The following CPEB3 variants were observed in gnomAD, a reference collection of about 807,000 sequenced individuals.
CPEB3 encodes the protein cytoplasmic polyadenylation element binding protein 3.
Under a neutral mutation model 67.2 loss-of-function variants are expected in CPEB3, and 20 were observed. That is an observed-to-expected ratio of 0.30 (90% CI 0.21 to 0.43). CPEB3 has a LOEUF of 0.43. Among genes scored for constraint, CPEB3 ranks in the 20% least tolerant of loss-of-function variants. CPEB3 has a pLI of 1.00. For synonymous variants in CPEB3, 376 were observed against 393.1 expected, an observed-to-expected ratio of 0.96 and a Z score of 0.51; for missense variants, 746 against 968.6, an observed-to-expected ratio of 0.77 and a Z score of 3.05.
intron 7 of CPEB3, among the ~76,000 whole-genome samples, chr10:92,100,684 C>T (rs950787120): frequency 2.0e-5 from 3 of 152,088 alleles, no homozygotes; most frequent in East Asian, 3.9e-4. Flanking sequence ...CTTCGCCTCC[C>T]GGGTTCACAC....
intron 7 of CPEB3, among the ~76,000 whole-genome samples, chr10:92,097,529 T>C (rs1419007926): frequency 1.3e-5 from 2 of 152,226 alleles, no homozygotes; most frequent in East Asian, 3.8e-4. Context: ...CTGTTTCATA[T>C]AACTGCTTAT....
At chr10:92,203,460 ATGTATATGTGTATATATATGTG>A (rs1344839498) in intron 2 of CPEB3, among the ~76,000 whole-genome samples, 4 of 147,014 alleles carry the variant, frequency 2.7e-5, no homozygotes, top group South Asian at 2.1e-4. Context: ...ATACGTATAT[ATGTATATGTGTATATATATGTG>A]TGTATATGTG....
At chr10:92,287,088 T>C (rs183551319) in intron 1 of CPEB3, among the ~76,000 whole-genome samples, 75 of 152,294 alleles carry the variant, frequency 4.9e-4, no homozygotes, top group Middle Eastern at 3.4e-3. Flanking sequence ...TTTTTGTCTA[T>C]AGTCATGCTG....
chr10:92,059,052 C>T (rs1842228853), intron 9 of CPEB3, among the ~76,000 whole-genome samples: 2 of 152,080 alleles, frequency 1.3e-5, no homozygotes, highest in South Asian at 4.1e-4. Flanking sequence ...ATGAGTGGGG[C>T]ACAGTGGCTC....
At chr10:92,083,743 T>C (rs1356623693) in intron 8 of CPEB3, among the ~76,000 whole-genome samples, 1 of 152,124 alleles carries the variant, frequency 6.6e-6, no homozygotes, top group Non-Finnish European at 1.5e-5. Flanking sequence ...GGCAAGGAAT[T>C]GAATGGCACT....
At chr10:92,125,166 C>A (rs1267340074) in intron 6 of CPEB3, among the ~76,000 whole-genome samples, 1 of 152,234 alleles carries the variant, frequency 6.6e-6, no homozygotes, top group Non-Finnish European at 1.5e-5. Flanking sequence ...GGGTGGGAAT[C>A]ATTAGTGCAC....
In CPEB3 at chr10:92,239,818, G is replaced by A; in HGVS notation, c.533C>T (p.Pro178Leu). 6.9e-7 allele frequency: 1 copy of A among 1,455,752 alleles called. No homozygotes were observed. The highest frequency in any genetic ancestry group is 1.5e-5 in the South Asian group (1 of 68,600). The allele number at this position is 1,455,752 out of a possible 1,614,324, so 90.2% of individuals were successfully genotyped here. Reference protein sequence around the residue: ...PPAPAPQPAQPAQPPQAQPPQ... With the variant: ...PPAPAPQPAQLAQPPQAQPPQ... ...GGGCTGCGCCTGTGGTGGCTGCGCT[G>A]GCTGTGCCGGCTGCGGCGCGGGCGC... The change falls in exon 2 of 10, where the codon CCA becomes CTA. Residue 178 changes from proline to leucine, a missense_variant. Pro to Leu is a moderately conservative substitution (Grantham distance 98, BLOSUM62 -3). Around this residue, in one of 2 missense-constraint regions of CPEB3, gnomAD observed 643 missense variants for 717.5 expected, o/e 0.90. Transcript: ENST00000265997. The surrounding 1 kb of genome is among the most constrained non-coding windows in gnomAD (Gnocchi z 6.0).
chr10:92,279,588 C>T (rs767462039), intron 1 of CPEB3, among the ~76,000 whole-genome samples: 5 of 152,110 alleles, frequency 3.3e-5, no homozygotes, highest in South Asian at 2.1e-4. Context: ...GGGGCCACTA[C>T]TAATTTCTGT....
intron 1 of CPEB3, among the ~76,000 whole-genome samples, chr10:92,274,715 C>T (rs141158679): frequency 3.9e-5 from 6 of 152,166 alleles, no homozygotes; most frequent in African/African-American, 7.2e-5. Context: ...GTGGTGCACG[C>T]CTATAATCCC....
chr10:92,217,248 TACACACACAC>T (rs754423428), intron 2 of CPEB3, among the ~76,000 whole-genome samples: 1 of 127,272 alleles, frequency 7.9e-6, no homozygotes, highest in Non-Finnish European at 1.6e-5. Context: ...TATATATATA[TACACACACAC>T]ACACACACAC....
chr10:92,240,031 A>G lies in CPEB3; in HGVS notation c.320T>C (p.Phe107Ser). 7 of 1,603,530 alleles carry G rather than the reference A, an allele frequency of 4.4e-6. No homozygotes were observed. The highest frequency in any genetic ancestry group is 6.0e-6 in the Non-Finnish European group (7 of 1,175,468). Residue 107 changes from phenylalanine (F) to serine (S), a missense_variant, in exon 2 of 10, where the codon TTC becomes TCC. By Grantham distance (155) the Phe-to-Ser change is radical. Transcript: ENST00000265997. ...AAPGASLSPSFGSTWSTGTTN... is the reference protein window; with the variant it reads ...AAPGASLSPSSGSTWSTGTTN... ...GGTGCCCGTGGACCAGGTGCTGCCGAAGGACGGCGACAGCGACGCGCCCGG... is the reference window on the plus strand; with the variant it reads ...GGTGCCCGTGGACCAGGTGCTGCCGGAGGACGGCGACAGCGACGCGCCCGG...
At chr10:92,187,593 T>A (rs953159870) in intron 3 of CPEB3, among the ~76,000 whole-genome samples, 1 of 152,182 alleles carries the variant, frequency 6.6e-6, no homozygotes, top group African/African-American at 2.4e-5. Flanking sequence ...CTTACTATCC[T>A]TCTAGAGTTG....
intron 1 of CPEB3, among the ~76,000 whole-genome samples, chr10:92,274,600 G>A (rs1314321628): frequency 1.3e-5 from 2 of 152,136 alleles, no homozygotes; most frequent in Non-Finnish European, 2.9e-5. Context: ...CAGGACTTCG[G>A]GAGGCCCAGG....
intron 1 of CPEB3, among the ~76,000 whole-genome samples, chr10:92,241,012 TC>T (rs1379571692): frequency 6.6e-6 from 1 of 152,088 alleles, no homozygotes; most frequent in Non-Finnish European, 1.5e-5. Flanking sequence ...TTCTCTGGCC[TC>T]CCAGTAGCTG....
intron 2 of CPEB3, among the ~76,000 whole-genome samples, chr10:92,193,322 G>A (rs1020389437): frequency 1.3e-5 from 2 of 152,150 alleles, no homozygotes; most frequent in Admixed American, 6.6e-5. Context: ...ATTGCAGAGT[G>A]ACTTTCTCGC....
intron 2 of CPEB3, among the ~76,000 whole-genome samples, chr10:92,199,457 C>G (rs560806134): frequency 5.3e-5 from 8 of 150,222 alleles, no homozygotes; most frequent in Non-Finnish European, 1.0e-4. Flanking sequence ...CTTTGGCAGG[C>G]TGGATCAAGT....
Position 92,082,600 on chromosome 10 carries a change from T to C in CPEB3, c.1688-1099A>G, listed in dbSNP as rs183936261. Among the ~76,000 whole-genome samples the C allele has an allele frequency of 1.9e-4, 29 of 152,200 alleles. 1 individual carries two copies. Among genetic ancestry groups the C allele is most frequent in the Admixed American group, 7.9e-4 (12 of 15,276 alleles). On this transcript the variant is annotated intron_variant, in intron 8 of 9. Coordinates refer to ENST00000265997, the MANE Select transcript of CPEB3 (RefSeq NM_014912.5). ...TGGCCTAAGTATGCCTTTATATTGG[T>C]ATAGTTACAAAACAATAAAGGTACC...
chr10:92,186,623 C>T (rs2134129389), intron 3 of CPEB3, among the ~76,000 whole-genome samples: 1 of 152,056 alleles, frequency 6.6e-6, no homozygotes, highest in African/African-American at 2.4e-5. Flanking sequence ...TTAGTAGAGG[C>T]AGGGTTTCAC....
chr10:92,131,276 T>A (rs1032031398), intron 6 of CPEB3, among the ~76,000 whole-genome samples: 1 of 152,200 alleles, frequency 6.6e-6, no homozygotes, highest in Non-Finnish European at 1.5e-5. Context: ...CCAGCACTAA[T>A]GTACTATAGT....
Sources: gnomAD v4.1 joint callset for allele counts (sites outside exome capture counted in the v4.1 genomes callset) on GRCh38, gnomAD v4.1.1 for gene constraint, gnomAD v4.1.1 regional missense constraint, Gnocchi (gnomAD v3.1) non-coding constraint, MANE v1.5 for transcripts, NCBI Gene and HGNC (gene_info 2026-07-23, HGNC 2026-07-21) for gene names.